The following CSMD3 variants were observed in gnomAD, a reference collection of about 807,000 sequenced individuals.
CSMD3 encodes CUB and sushi domain-containing protein 3.
A neutral mutation model predicts 435.2 loss-of-function variants in CSMD3; 177 were observed. The ratio of observed to expected loss-of-function variants is 0.41; its 90% CI spans 0.36 to 0.46. The LOEUF (loss-of-function observed/expected upper bound fraction) is 0.46. Ranked by LOEUF, CSMD3 falls within the 20% of genes least tolerant of loss-of-function variation. CSMD3 has a pLI of 0.34. For missense variants in CSMD3, 4,265 were observed against 4,504.6 expected, an observed-to-expected ratio of 0.95 and a Z score of 1.52; for synonymous variants, 1,656 against 1,520.5, an observed-to-expected ratio of 1.09 and a Z score of -2.07.
intron 38 of CSMD3, among the ~76,000 whole-genome samples, chr8:112,361,600 TA>T (rs1563841154): frequency 1.6e-4 from 21 of 131,902 alleles, no homozygotes; most frequent in African/African-American, 5.3e-4. Flanking sequence ...TATATATATA[TA>T]TATATATATA....
intron 5 of CSMD3, among the ~76,000 whole-genome samples, chr8:113,040,563 A>G (rs2087562758): frequency 6.6e-6 from 1 of 152,158 alleles, no homozygotes; most frequent in Non-Finnish European, 1.5e-5. Flanking sequence ...CTGAGAGCCA[A>G]CGGAGTTTGT....
At chr8:113,320,133 G>C (rs2093939318) in intron 1 of CSMD3, among the ~76,000 whole-genome samples, 1 of 151,988 alleles carries the variant, frequency 6.6e-6, no homozygotes, top group Admixed American at 6.6e-5. Flanking sequence ...AGAACACATA[G>C]AAGTAAAACT....
At chr8:113,297,357 T>C (rs2093730379) in intron 2 of CSMD3, among the ~76,000 whole-genome samples, 1 of 152,034 alleles carries the variant, frequency 6.6e-6, no homozygotes, top group South Asian at 2.1e-4. Context: ...AATATTTTAC[T>C]TGGAATTTGA....
chr8:113,043,586 TTGAC>T (rs142217690), intron 5 of CSMD3, among the ~76,000 whole-genome samples: 14,528 of 152,098 alleles, frequency 0.096, 1,031 homozygotes, highest in African/African-American at 0.19. Flanking sequence ...TTTAAAGCCT[TTGAC>T]TGACTGAATT....
At chr8:113,004,289 T>C (rs1041429378) in intron 6 of CSMD3, among the ~76,000 whole-genome samples, 2 of 152,046 alleles carry the variant, frequency 1.3e-5, no homozygotes, top group African/African-American at 4.8e-5. Context: ...GAATACACTA[T>C]GCAGAGCTAT....
intron 14 of CSMD3, among the ~76,000 whole-genome samples, chr8:112,687,019 ACT>A (rs1344566830): frequency 1.3e-5 from 2 of 152,042 alleles, no homozygotes; most frequent in East Asian, 1.9e-4. Flanking sequence ...AATAACACTG[ACT>A]CTATTCTTGA....
At chr8:113,161,899 C>G (rs1405873131) in intron 4 of CSMD3, among the ~76,000 whole-genome samples, 1 of 151,940 alleles carries the variant, frequency 6.6e-6, no homozygotes, top group African/African-American at 2.4e-5. Context: ...GTTACTTTAC[C>G]AAAATTATTA....
intron 3 of CSMD3, among the ~76,000 whole-genome samples, chr8:113,247,728 C>CAGATT (rs1278152125): frequency 2.6e-5 from 4 of 152,072 alleles, no homozygotes; most frequent in African/African-American, 9.7e-5. Context: ...AGTTTAAAGA[C>CAGATT]AGATTCTTAA....
At chr8:112,669,938 ACT>A (rs1446704560) in intron 16 of CSMD3, among the ~76,000 whole-genome samples, 1 of 152,154 alleles carries the variant, frequency 6.6e-6, no homozygotes, top group African/African-American at 2.4e-5. Flanking sequence ...AGGCAGTTTG[ACT>A]CTAGAAAAAT....
At chr8:112,468,239 T>G (rs1394367241) in intron 32 of CSMD3, among the ~76,000 whole-genome samples, 1 of 150,564 alleles carries the variant, frequency 6.6e-6, no homozygotes, top group Non-Finnish European at 1.5e-5. Flanking sequence ...AAAGTATTTT[T>G]TTTTTTTTTT....
At chr8:113,434,807 G>A (rs2130124871) in intron 1 of CSMD3, among the ~76,000 whole-genome samples, 1 of 152,300 alleles carries the variant, frequency 6.6e-6, no homozygotes. Flanking sequence ...GGCAGCCGGG[G>A]CTCTAATTGC....
chr8:112,533,159 C>T (rs1438042436), intron 27 of CSMD3, among the ~76,000 whole-genome samples: 2 of 151,616 alleles, frequency 1.3e-5, no homozygotes, highest in Non-Finnish European at 2.9e-5. Context: ...AACATACTAA[C>T]TTTGTGGTTA....
intron 5 of CSMD3, among the ~76,000 whole-genome samples, chr8:113,048,966 A>C (rs2087961703): frequency 6.6e-6 from 1 of 152,092 alleles, no homozygotes; most frequent in South Asian, 2.1e-4. Context: ...AAGTCAAATG[A>C]CTTCAGGCCG....
At chr8:112,395,305 A>C (rs1437695863) in intron 35 of CSMD3, among the ~76,000 whole-genome samples, 1 of 152,142 alleles carries the variant, frequency 6.6e-6, no homozygotes, top group Non-Finnish European at 1.5e-5. Flanking sequence ...CTACCTTCCA[A>C]AGTTGATATC....
At chr8:112,886,948 G>A (rs2081616403) in intron 10 of CSMD3, among the ~76,000 whole-genome samples, 1 of 151,206 alleles carries the variant, frequency 6.6e-6, no homozygotes, top group South Asian at 2.1e-4. Flanking sequence ...ATCCATGGTT[G>A]GTTGAACTTG....
chr8:112,450,231 G>T (rs1165578684), intron 32 of CSMD3, among the ~76,000 whole-genome samples: 2 of 152,184 alleles, frequency 1.3e-5, no homozygotes, highest in Admixed American at 6.5e-5. Flanking sequence ...TTGGAAGTCA[G>T]ATTTTCAAAG....
chr8:112,598,404 G>C (rs1344139801), intron 22 of CSMD3, among the ~76,000 whole-genome samples: 2 of 150,652 alleles, frequency 1.3e-5, no homozygotes, highest in Admixed American at 6.6e-5. Flanking sequence ...CCATGCTCAT[G>C]GATAGGAAGA....
chr8:113,213,086 T>C (rs922010111), intron 3 of CSMD3, among the ~76,000 whole-genome samples: 1 of 151,920 alleles, frequency 6.6e-6, no homozygotes, highest in Non-Finnish European at 1.5e-5. Context: ...TATTATTTTA[T>C]ATATAAAATG....
At chr8:113,428,204 ATATCTATC>A (rs36077177) in intron 1 of CSMD3, among the ~76,000 whole-genome samples, 26,444 of 146,040 alleles carry the variant, frequency 0.18, 2,486 homozygotes, top group Middle Eastern at 0.26. Context: ...CAACTGTGGG[ATATCTATC>A]TATCTATCTA....
Sources: allele counts gnomAD v4.1 joint callset (sites outside exome capture counted in the v4.1 genomes callset), GRCh38; gene constraint gnomAD v4.1.1; transcripts MANE v1.5; gene names NCBI Gene and HGNC (gene_info 2026-07-23, HGNC 2026-07-21).